The following PPFIBP2 variants were observed in gnomAD, a reference collection of about 807,000 sequenced individuals.
PPFIBP2 encodes the protein PPFIB scaffold protein 2.
In PPFIBP2, 118 loss-of-function variants were observed where a neutral mutation model predicts 118.3. That is an observed-to-expected ratio of 1.00 (90% confidence interval 0.86 to 1.16). The LOEUF (loss-of-function observed/expected upper bound fraction) is 1.16. Among genes scored for constraint, PPFIBP2 ranks in the 50% most tolerant of loss-of-function variants. PPFIBP2 has a pLI of 0.00. For missense variants in PPFIBP2, 1,195 were observed against 1,073.1 expected (o/e 1.11, Z -1.59); for synonymous variants, 414 against 397.4 (o/e 1.04, Z -0.50).
At chr11:7,601,089 GTCTC>G (rs1221273980) in intron 5 of PPFIBP2, among the ~76,000 whole-genome samples, 10 of 152,176 alleles carry the variant, frequency 6.6e-5, no homozygotes, top group African/African-American at 2.4e-4. Context: ...CCATTGAGCT[GTCTC>G]TCTCCATGCT....
intron 3 of PPFIBP2, among the ~76,000 whole-genome samples, 189 bp from the exon 4 acceptor site, chr11:7,592,943 G>T (rs1280806859): frequency 6.6e-6 from 1 of 152,206 alleles, no homozygotes; most frequent in African/African-American, 2.4e-5. Flanking sequence ...GCACTTTTCA[G>T]TGGCATGTGA....
the PPFIBP2 span, chr11:7,666,442 A>G: frequency 1.9e-6 from 3 of 1,580,656 alleles, no homozygotes; most frequent in Non-Finnish European, 2.6e-6. Context: ...AGGGCAATGG[A>G]TGTCGTACCA....
chr11:7,522,856 A>G (rs371368129), intron 1 of PPFIBP2, among the ~76,000 whole-genome samples: 1 of 152,162 alleles, frequency 6.6e-6, no homozygotes, highest in South Asian at 2.1e-4. Flanking sequence ...GGGCACGTGT[A>G]TTAATTTTCT....
chr11:7,609,576 G>A lies in PPFIBP2; in HGVS notation c.487-715G>A, dbSNP rs1340537673. 8.5e-5 allele frequency among the ~76,000 whole-genome samples: 13 copies of A among 152,094 alleles called. No individual in the cohort carries two copies. In the East Asian group the frequency reaches 1.3e-3, roughly 16 times the overall value. On this transcript the variant is annotated intron_variant, in intron 5 of 23. Coordinates refer to ENST00000299492, the MANE Select transcript of PPFIBP2 (RefSeq NM_003621.5). ...TATGAAGTGTTTTTATTAGTGACAGGTTTGTTGTCAAAGCCCTGGGTTATT... is the reference window on the plus strand; with the variant it reads ...TATGAAGTGTTTTTATTAGTGACAGATTTGTTGTCAAAGCCCTGGGTTATT...
At position 7,630,915 on chromosome 11, in the gene PPFIBP2, A is replaced by G; in HGVS notation, c.965-10A>G. The stretch of plus-strand genomic sequence containing the variant: ...TCAACAATTCAGTCTTACTACCTTA[A>G]TGCTTGCAGGGCCTTCGGAGAGAAC... On this transcript the variant is annotated splice_polypyrimidine_tract_variant and intron_variant, in intron 10 of 23. Transcript: ENST00000299492. 6.2e-7 allele frequency: 1 copy of G among 1,607,420 alleles called. No individual in the cohort carries two copies. The highest frequency in any genetic ancestry group is 1.1e-5 in the South Asian group (1 of 90,946).
chr11:7,545,927 G>A (rs1852281407), intron 1 of PPFIBP2, among the ~76,000 whole-genome samples: 1 of 152,150 alleles, frequency 6.6e-6, no homozygotes, highest in Non-Finnish European at 1.5e-5. Context: ...TGAAGCTTGA[G>A]TTCAATCACC....
At chr11:7,665,990 G>A in the PPFIBP2 span, 4 of 1,343,932 alleles carry the variant, frequency 3.0e-6, no homozygotes, top group Non-Finnish European at 4.1e-6. Flanking sequence ...CGCGCCTGTG[G>A]GGTGCTCTGT....
chr11:7,661,282 T>G (rs1477724990), downstream of PPFIBP2, among the ~76,000 whole-genome samples: 2 of 148,718 alleles, frequency 1.3e-5, no homozygotes, highest in Non-Finnish European at 3.0e-5. Context: ...CTTGTGGGCA[T>G]TTAGTGCTAT....
At chr11:7,596,484 T>C (rs1860335860) in intron 4 of PPFIBP2, among the ~76,000 whole-genome samples, 1 of 152,068 alleles carries the variant, frequency 6.6e-6, no homozygotes, top group Admixed American at 6.5e-5. Flanking sequence ...CATTAATCAT[T>C]TGGGAAAATA....
intron 3 of PPFIBP2, among the ~76,000 whole-genome samples, chr11:7,572,716 G>T (rs1225452281): frequency 2.0e-5 from 3 of 152,188 alleles, no homozygotes; most frequent in Non-Finnish European, 2.9e-5. Context: ...AGGCTCCAGG[G>T]AATTTATGCT....
At chr11:7,578,024 GTTGT>G (rs999596001) in intron 3 of PPFIBP2, among the ~76,000 whole-genome samples, 9 of 152,218 alleles carry the variant, frequency 5.9e-5, no homozygotes, top group African/African-American at 1.9e-4. Context: ...GGATTCGGAA[GTTGT>G]TTAACTCGTT....
At position 7,635,566 on chromosome 11, in the gene PPFIBP2, C is replaced by G; in HGVS notation, c.1209C>G (p.Asn403Lys). The G allele has an allele frequency of 6.2e-7, 1 of 1,611,202 alleles. No individual in the cohort carries two copies. The highest frequency in any genetic ancestry group is 8.5e-7 in the Non-Finnish European group (1 of 1,177,270). Residue 403 changes from asparagine (N) to lysine (K), a missense_variant, in exon 14 of 24, where the codon AAC becomes AAG. Coordinates refer to ENST00000299492, the MANE Select transcript of PPFIBP2 (RefSeq NM_003621.5). ...SESVDKCMDG[N>K]QPFPVLEPKD... ...TTACTCCATAGTGTATGGATGGGAA[C>G]CAGCCCTTCCCGGTGTTAGAACCCA...
intron 17 of PPFIBP2, among the ~76,000 whole-genome samples, chr11:7,643,694 A>G (rs183087315): frequency 1.6e-4 from 25 of 152,362 alleles, no homozygotes; most frequent in Admixed American, 1.2e-3. Flanking sequence ...GGTGATATTT[A>G]TAATTTCTAG....
At chr11:7,638,305 A>G (rs1419327999) in intron 14 of PPFIBP2, among the ~76,000 whole-genome samples, 1 of 152,190 alleles carries the variant, frequency 6.6e-6, no homozygotes, top group Non-Finnish European at 1.5e-5. Flanking sequence ...ATGTCTGATC[A>G]TGTCTAATCT....
chr11:7,567,240 C>T (rs1277695549), intron 3 of PPFIBP2, among the ~76,000 whole-genome samples: 1 of 152,208 alleles, frequency 6.6e-6, no homozygotes, highest in Non-Finnish European at 1.5e-5. Context: ...TTATGGTTAA[C>T]TCCAATCCAT....
At chr11:7,586,031 A>G (rs1275617242) in intron 3 of PPFIBP2, among the ~76,000 whole-genome samples, 1 of 152,248 alleles carries the variant, frequency 6.6e-6, no homozygotes, top group African/African-American at 2.4e-5. Flanking sequence ...AAATGTGAGC[A>G]CTTGTTCAGG....
chr11:7,581,841 AT>A (rs57552226), intron 3 of PPFIBP2, among the ~76,000 whole-genome samples: 4,511 of 146,580 alleles, frequency 0.031, 203 homozygotes, highest in African/African-American at 0.1. Flanking sequence ...AGATAGATAG[AT>A]TTTTTTTTTT....
Position 7,653,507 on chromosome 11 carries a change from G to A in PPFIBP2, c.*289G>A, listed in dbSNP as rs903489789. 5.1e-6 allele frequency: 7 copies of A among 1,383,034 alleles called. No homozygotes were observed. The Admixed American group carries it at 1.3e-4, about 26-fold the overall frequency. The allele number at this position is 1,383,034 out of a possible 1,614,324, so 85.7% of individuals were successfully genotyped here. A position where few individuals can be genotyped will look rare whatever the true frequency, so the allele number is the denominator to read the frequency against. On this transcript the variant is annotated 3_prime_UTR_variant, in exon 24 of 24. Transcript: ENST00000299492. ...TTCTTGATGTTCATCTTCAGCACCA[G>A]TGGAAACACATGAACTTCGATGCAG...
chr11:7,643,459 G>A (rs1852513290), intron 17 of PPFIBP2, among the ~76,000 whole-genome samples: 1 of 152,208 alleles, frequency 6.6e-6, no homozygotes, highest in South Asian at 2.1e-4. Context: ...ACCAGGGTCA[G>A]TAGCTTTCTT....
Sources: gnomAD v4.1 joint callset for allele counts (sites outside exome capture counted in the v4.1 genomes callset) on GRCh38, gnomAD v4.1.1 for gene constraint, MANE v1.5 for transcripts, NCBI Gene and HGNC (gene_info 2026-07-23, HGNC 2026-07-21) for gene names.